Variants in C2CD3 observed in about 807,000 individuals in gnomAD.
C2CD3 encodes the protein C2 domain-containing protein 3.
In C2CD3, 148 loss-of-function variants were observed where a neutral mutation model predicts 234.0. The ratio of observed to expected loss-of-function variants is 0.63; its 90% CI spans 0.55 to 0.72. The LOEUF (loss-of-function observed/expected upper bound fraction) is 0.72. Among genes scored for constraint, C2CD3 ranks in the 30% least tolerant of loss-of-function variants. C2CD3 has a pLI of 0.00. For synonymous variants in C2CD3, 1,000 were observed against 1,035.4 expected, an observed-to-expected ratio of 0.97 and a Z score of 0.66; for missense variants, 2,577 against 2,811.5, an observed-to-expected ratio of 0.92 and a Z score of 1.89.
In C2CD3 at chr11:74,109,030, G is replaced by A. The variant is rs1956642929; in HGVS notation, c.1962+4C>T. ...AAGGCAAAGGCCAAAATCACTCAAA[G>A]TACCTTTTTCTGTGGAGTTTTCTTT... On this transcript the variant is annotated splice_donor_region_variant and intron_variant, in intron 12 of 32. Transcript: ENST00000334126. 2 of 1,513,790 alleles carry A rather than the reference G, an allele frequency of 1.3e-6. No individual in the cohort carries two copies. The highest frequency in any genetic ancestry group is 1.1e-5 in the South Asian group (1 of 88,284). The allele number at this position is 1,513,790 out of a possible 1,614,324, so 93.8% of individuals were successfully genotyped here.
chr11:74,067,361 T>C (rs749267598), intron 24 of C2CD3, among the ~76,000 whole-genome samples: 3 of 151,852 alleles, frequency 2.0e-5, no homozygotes, highest in African/African-American at 4.8e-5. Context: ...AGGCTGAACC[T>C]GGAAAAAGGC....
chr11:74,081,010 AG>A (rs1353725694), intron 22 of C2CD3, among the ~76,000 whole-genome samples: 1 of 152,158 alleles, frequency 6.6e-6, no homozygotes, highest in African/African-American at 2.4e-5. Context: ...CCTGTTTATT[AG>A]GGTAGTGCTC....
chr11:74,162,039 C>T (rs1856512984), intron 2 of C2CD3, among the ~76,000 whole-genome samples: 1 of 152,106 alleles, frequency 6.6e-6, no homozygotes, highest in Non-Finnish European at 1.5e-5. Context: ...TGGTCTCAAA[C>T]TCCTGGCCTC....
chr11:74,017,422 G>A (rs981292000), intron 32 of C2CD3, among the ~76,000 whole-genome samples: 9 of 152,208 alleles, frequency 5.9e-5, no homozygotes, highest in Non-Finnish European at 1.3e-4. Flanking sequence ...TCATGAACAT[G>A]ATAGGCCTCT....
Position 74,042,160 on chromosome 11 carries a change from G to C in C2CD3, c.5554C>G (p.Arg1852Gly), listed in dbSNP as rs774763565. 1 of 1,613,462 alleles carries C rather than the reference G, an allele frequency of 6.2e-7. No homozygotes were observed. Among genetic ancestry groups the C allele is most frequent in the East Asian group, 2.2e-5 (1 of 44,838 alleles). ...RHEEHVQNIR[R>G]FHESLHLQGE... ...TGAAGATGCAGGGATTCATGAAACC[G>C]GCGAATGTTCTGCACATGCTCTTCA... The change falls in exon 29 of 33, where the codon CGG (arginine) becomes GGG (glycine). Residue 1852 changes from arginine to glycine, a missense_variant. Transcript: ENST00000334126.
At chr11:74,077,910 A>AGGAACACTTACTAGTCTGT (rs1565263501) in intron 23 of C2CD3, among the ~76,000 whole-genome samples, 1 of 146,688 alleles carries the variant, frequency 6.8e-6, no homozygotes, top group Non-Finnish European at 1.5e-5. Flanking sequence ...CAATAATGGA[A>AGGAACACTTACTAGTCTGT]GGAACACTTA....
intron 32 of C2CD3, among the ~76,000 whole-genome samples, chr11:74,027,697 C>G (rs949244688): frequency 2.0e-5 from 3 of 152,158 alleles, no homozygotes; most frequent in Non-Finnish European, 2.9e-5. Flanking sequence ...CAGCATGACA[C>G]CTGATACAGG....
At chr11:74,124,573 A>G (rs1225297524) in intron 7 of C2CD3, among the ~76,000 whole-genome samples, 3 of 152,064 alleles carry the variant, frequency 2.0e-5, no homozygotes, top group Non-Finnish European at 4.4e-5. Context: ...GGGTGGGGAA[A>G]AATCACCCCC....
At chr11:74,049,180 G>C (rs945536115) in intron 27 of C2CD3, among the ~76,000 whole-genome samples, 157 bp downstream of exon 27, 1 of 152,154 alleles carries the variant, frequency 6.6e-6, no homozygotes, top group African/African-American at 2.4e-5. Context: ...ACTAATTCCA[G>C]AACATTTTCA....
At chr11:74,028,442 C>G in intron 31 of C2CD3, 44 bp from the exon 32 acceptor site, 1 of 1,277,062 alleles carries the variant, frequency 7.8e-7, no homozygotes, top group Non-Finnish European at 1.1e-6. Flanking sequence ...AAGTCCACCC[C>G]TCTTGCAGTG....
intron 31 of C2CD3, among the ~76,000 whole-genome samples, chr11:74,032,220 T>C (rs76869842): frequency 6.6e-6 from 1 of 152,192 alleles, no homozygotes; most frequent in Non-Finnish European, 1.5e-5. Flanking sequence ...AAACTATATG[T>C]CTATAATCAC....
Position 74,060,891 on chromosome 11 carries a change from G to A in C2CD3, c.4952-3347C>T, listed in dbSNP as rs540957157. ...TAAAAACCTTGAAAAAAGATTAGAC[G>A]ACTGACTAACTAGAATAAACAGTGT... is the stretch of plus-strand genomic sequence containing the variant. On this transcript the variant is annotated intron_variant, in intron 24 of 32. Coordinates refer to ENST00000334126, the MANE Select transcript of C2CD3 (RefSeq NM_001286577.2). 9.2e-5 allele frequency among the ~76,000 whole-genome samples: 14 copies of A among 152,262 alleles called. No homozygotes were observed. In the South Asian group the frequency reaches 1.9e-3, roughly 20 times the overall value.
At chr11:74,079,293 C>T (rs955635578) in intron 22 of C2CD3, among the ~76,000 whole-genome samples, 2 of 152,160 alleles carry the variant, frequency 1.3e-5, no homozygotes, top group African/African-American at 2.4e-5. Flanking sequence ...CTTTGAACTC[C>T]TGGGCTCAAG....
chr11:74,113,793 T>A lies in C2CD3; in HGVS notation c.1830A>T (p.Lys610Asn). 3 of 1,605,700 alleles carry A rather than the reference T, an allele frequency of 1.9e-6. No homozygotes were observed. The highest frequency in any genetic ancestry group is 2.6e-6 in the Non-Finnish European group (3 of 1,172,408). The stretch of plus-strand genomic sequence containing the variant: ...TGTGTCTCTTACTTCCATCTGTAAT[T>A]TTACTGGAGGCGAGTCGAACAACCT... ...ITEVVRLASSKITDGKVKFQQ... is the reference protein window; with the variant it reads ...ITEVVRLASSNITDGKVKFQQ... The change falls in exon 11 of 33, where the codon AAA (lysine) becomes AAT (asparagine). Residue 610 changes from lysine to asparagine, a missense_variant. Coordinates refer to ENST00000334126, the MANE Select transcript of C2CD3 (RefSeq NM_001286577.2).
chr11:74,040,209 C>T (rs938920325), intron 29 of C2CD3, among the ~76,000 whole-genome samples: 4 of 152,062 alleles, frequency 2.6e-5, no homozygotes, highest in East Asian at 1.9e-4. Flanking sequence ...CTAGGTTGTG[C>T]GCTCCTTATG....
chr11:74,042,454 T>A (rs1004861158), intron 28 of C2CD3, among the ~76,000 whole-genome samples: 1 of 152,076 alleles, frequency 6.6e-6, no homozygotes, highest in Non-Finnish European at 1.5e-5. Flanking sequence ...AGAGTGATTT[T>A]TCTAAAACAT....
intron 1 of C2CD3, among the ~76,000 whole-genome samples, chr11:74,169,697 C>T (rs1046821587): frequency 6.6e-6 from 1 of 152,138 alleles, no homozygotes; most frequent in Non-Finnish European, 1.5e-5. Flanking sequence ...TATATTATTT[C>T]TACTTTGACT....
chr11:74,111,827 G>C (rs1956757107), intron 11 of C2CD3, among the ~76,000 whole-genome samples: 1 of 151,558 alleles, frequency 6.6e-6, no homozygotes, highest in South Asian at 2.1e-4. Context: ...TACTGTTAGT[G>C]TATTTTATGT....
At chr11:74,029,118 C>T (rs1273436004) in intron 31 of C2CD3, among the ~76,000 whole-genome samples, 3 of 152,198 alleles carry the variant, frequency 2.0e-5, no homozygotes, top group Non-Finnish European at 4.4e-5. Context: ...ACTTCTCCTC[C>T]GTATCTTCTT....
Sources: gnomAD v4.1 joint callset for allele counts (sites outside exome capture counted in the v4.1 genomes callset) on GRCh38, gnomAD v4.1.1 for gene constraint, MANE v1.5 for transcripts, NCBI Gene and HGNC (gene_info 2026-07-23, HGNC 2026-07-21) for gene names.